The following CUX1 variants were observed in gnomAD, a reference collection of about 807,000 sequenced individuals.
CUX1 encodes the protein cut like homeobox 1.
In CUX1, 31 loss-of-function variants were observed where a neutral mutation model predicts 158.8. The ratio of observed to expected loss-of-function variants is 0.20; its 90% CI spans 0.15 to 0.26. The LOEUF is 0.26. CUX1 is among the 10% of genes least tolerant of loss of function. CUX1 has a pLI of 1.00. For missense variants in CUX1, 1,589 were observed against 2,014.6 expected, an observed-to-expected ratio of 0.79 and a Z score of 4.04; for synonymous variants, 879 against 862.1, an observed-to-expected ratio of 1.02 and a Z score of -0.34.
intron 1 of CUX1, among the ~76,000 whole-genome samples, chr7:101,845,624 C>A (rs377229760): frequency 6.6e-6 from 1 of 152,166 alleles, no homozygotes; most frequent in Admixed American, 6.5e-5. Context: ...CATGGCACAT[C>A]GTACATTTCT....
chr7:102,164,757 C>T (rs782521542), intron 9 of CUX1, among the ~76,000 whole-genome samples: 15 of 152,158 alleles, frequency 9.9e-5, no homozygotes, highest in Non-Finnish European at 1.9e-4. Flanking sequence ...TTGCATGCTG[C>T]GGGTAGGGCA....
intron 20 of CUX1, among the ~76,000 whole-genome samples, chr7:102,226,182 C>T (rs1165645705): frequency 1.3e-5 from 2 of 152,216 alleles, no homozygotes; most frequent in Non-Finnish European, 2.9e-5. Flanking sequence ...GCACCCACGG[C>T]GACCCCAACA....
chr7:101,846,527 G>A (rs1351137362), intron 1 of CUX1, among the ~76,000 whole-genome samples: 1 of 151,948 alleles, frequency 6.6e-6, no homozygotes, highest in Non-Finnish European at 1.5e-5. Context: ...TTGTAAAGGC[G>A]ATGTTGTTCA....
At chr7:102,120,876 C>T (rs1250681441) in intron 8 of CUX1, among the ~76,000 whole-genome samples, 6 of 152,060 alleles carry the variant, frequency 3.9e-5, no homozygotes, top group African/African-American at 1.4e-4. Flanking sequence ...CCAGCCTGGG[C>T]AACATAGTGA....
chr7:102,180,896 TTTTTATTTTA>T (rs781956443), intron 11 of CUX1, among the ~76,000 whole-genome samples: 4 of 142,624 alleles, frequency 2.8e-5, no homozygotes, highest in East Asian at 1.9e-4. Context: ...TTTTTTTAAA[TTTTTATTTTA>T]TTTTATTTTA....
intron 11 of CUX1, chr7:102,186,979 C>G (rs1161420040): frequency 1.3e-5 from 2 of 152,216 alleles, no homozygotes; most frequent in Admixed American, 1.3e-4. Context: ...TTGCAGTGAG[C>G]CAAGATCGTG....
intron 1 of CUX1, among the ~76,000 whole-genome samples, chr7:101,864,816 G>C (rs752522760): frequency 5.1e-4 from 77 of 152,314 alleles, no homozygotes; most frequent in Non-Finnish European, 7.5e-4. Flanking sequence ...CTCCCAAAGG[G>C]CTGGGATTAC....
intron 22 of CUX1, among the ~76,000 whole-genome samples, chr7:102,238,337 C>G (rs1385020064): frequency 6.6e-6 from 1 of 152,192 alleles, no homozygotes; most frequent in Non-Finnish European, 1.5e-5. Context: ...TACCTCTAGA[C>G]CAAGGAGTCC....
chr7:101,986,939 G>A (rs1814392144), intron 2 of CUX1, among the ~76,000 whole-genome samples: 1 of 152,118 alleles, frequency 6.6e-6, no homozygotes, highest in Non-Finnish European at 1.5e-5. Flanking sequence ...GGAAGCCGTG[G>A]GGATGTGGTC....
At chr7:101,860,782 T>TTCCC (rs1257006797) in intron 1 of CUX1, among the ~76,000 whole-genome samples, 1 of 128,758 alleles carries the variant, frequency 7.8e-6, no homozygotes, top group Admixed American at 8.5e-5. Flanking sequence ...CCTTCCTTCC[T>TTCCC]TCCCTCCTTC....
chr7:101,835,734 T>G (rs959477752), intron 1 of CUX1, among the ~76,000 whole-genome samples: 2 of 152,172 alleles, frequency 1.3e-5, no homozygotes, highest in African/African-American at 4.8e-5. Context: ...TTTAGTTATT[T>G]TATTTGTTTG....
chr7:102,146,321 G>A (rs1266871290), intron 8 of CUX1, among the ~76,000 whole-genome samples: 8 of 152,156 alleles, frequency 5.3e-5, no homozygotes, highest in African/African-American at 1.4e-4. Flanking sequence ...GGCTGTTCCC[G>A]ATCACGCTGG....
intron 3 of CUX1, among the ~76,000 whole-genome samples, chr7:102,050,229 A>T (rs1373828928): frequency 6.6e-6 from 1 of 152,176 alleles, no homozygotes; most frequent in Non-Finnish European, 1.5e-5. Flanking sequence ...TCTCTGTCCC[A>T]TCCATATAAC....
chr7:102,043,896 T>C (rs1822428981), intron 3 of CUX1, among the ~76,000 whole-genome samples: 1 of 152,172 alleles, frequency 6.6e-6, no homozygotes, highest in Non-Finnish European at 1.5e-5. Context: ...CTAACAGGTA[T>C]CAGGTGATAC....
chr7:102,255,763 T>C lies in CUX1; in HGVS notation c.*6721T>C, dbSNP rs1314582874. On this transcript the variant is annotated 3_prime_UTR_variant, in exon 24 of 24. Coordinates refer to ENST00000292535, the MANE Select transcript of CUX1 (RefSeq NM_181552.4). The stretch of plus-strand genomic sequence containing the variant: ...ACAAGAGACCATTCAGCAAGACACA[T>C]TGAAGTGGCACGGAGCTGCTTTTGT... The C allele has an allele frequency of 2.6e-5, 26 of 985,314 alleles. No homozygotes were observed. Among genetic ancestry groups the C allele is most frequent in the Non-Finnish European group, 2.9e-5 (24 of 829,940 alleles). The allele number at this position is 985,314 out of a possible 1,614,324, so 61.0% of individuals were successfully genotyped here.
At chr7:102,224,963 C>G (rs1469692420) in intron 20 of CUX1, among the ~76,000 whole-genome samples, 3 of 152,204 alleles carry the variant, frequency 2.0e-5, no homozygotes. Flanking sequence ...GATGGATGAT[C>G]TGCCAGGCCG....
chr7:102,027,359 C>T (rs1230390943), intron 2 of CUX1, among the ~76,000 whole-genome samples: 4 of 151,852 alleles, frequency 2.6e-5, no homozygotes, highest in South Asian at 4.2e-4. Flanking sequence ...GGCGACAGAG[C>T]GAGACTCCAT....
At position 101,916,957 on chromosome 7, in the gene CUX1, C is replaced by T. The variant is rs1341296412; in HGVS notation, c.141+732C>T. 6.6e-6 allele frequency among the ~76,000 whole-genome samples: 1 copy of T among 151,948 alleles called. No homozygotes were observed. The highest frequency in any genetic ancestry group is 2.4e-5 in the African/African-American group (1 of 41,390). On this transcript the variant is annotated intron_variant, in intron 2 of 23. Transcript: ENST00000292535. The surrounding 1 kb of genome is among the most constrained non-coding windows in gnomAD (Gnocchi z 4.4). The stretch of plus-strand genomic sequence containing the variant: ...CGTGTTGCAGGCAGATGAGCAGTCG[C>T]GGGAATGGCTTTCCGGGTGACATCT...
At chr7:101,838,962 C>T (rs1320402157) in intron 1 of CUX1, among the ~76,000 whole-genome samples, 2 of 152,244 alleles carry the variant, frequency 1.3e-5, no homozygotes, top group Admixed American at 6.5e-5. Context: ...TACGGGCCAA[C>T]GTGGTTCCTG....
Sources: gnomAD v4.1 joint callset for allele counts (sites outside exome capture counted in the v4.1 genomes callset) on GRCh38, gnomAD v4.1.1 for gene constraint, Gnocchi (gnomAD v3.1) non-coding constraint, MANE v1.5 for transcripts, NCBI Gene and HGNC (gene_info 2026-07-23, HGNC 2026-07-21) for gene names.